TRABD2B: variants seen among roughly 807,000 people sequenced by gnomAD.
TRABD2B encodes the protein metalloprotease TIKI2.
In TRABD2B, 14 loss-of-function variants were observed where a neutral mutation model predicts 40.1. The observed-to-expected ratio is 0.35, with a 90% CI of 0.23 to 0.55. The LOEUF (loss-of-function observed/expected upper bound fraction) is 0.55. Ranked by LOEUF, TRABD2B falls within the 20% of genes least tolerant of loss-of-function variation. TRABD2B has a pLI of 0.90. For synonymous variants in TRABD2B, 263 were observed against 277.0 expected (o/e 0.95, Z 0.50); for missense variants, 541 against 648.6 (o/e 0.83, Z 1.80).
chr1:47,913,365 A>G (rs1258329345), intron 2 of TRABD2B, among the ~76,000 whole-genome samples: 1 of 152,140 alleles, frequency 6.6e-6, no homozygotes, highest in South Asian at 2.1e-4. Flanking sequence ...AGCTCTCTGC[A>G]AGCGGGATAC....
At chr1:47,881,172 T>G (rs1363861776) in intron 2 of TRABD2B, among the ~76,000 whole-genome samples, 1 of 152,168 alleles carries the variant, frequency 6.6e-6, no homozygotes, top group African/African-American at 2.4e-5. Flanking sequence ...CAACTTGGGT[T>G]GCAGTGGTGG....
In TRABD2B at chr1:47,996,780, C is replaced by A. The variant is rs1646099209; in HGVS notation, c.10G>T (p.Ala4Ser). 8.3e-7 allele frequency: 1 copy of A among 1,207,198 alleles called. No individual in the cohort carries two copies. The highest frequency in any genetic ancestry group is 3.4e-5 in the East Asian group (1 of 29,348). 74.8% of individuals were successfully genotyped at this position (1,207,198 alleles called of 1,614,324 possible). A position where few individuals can be genotyped will look rare whatever the true frequency, so the allele number is the denominator to read the frequency against. ...GCGGCGAGCAGCGGCCCCGCCAGGGCGGCGTGCATCCTGCCAGGGCCCGCG... is the reference window on the plus strand; with the variant it reads ...GCGGCGAGCAGCGGCCCCGCCAGGGAGGCGTGCATCCTGCCAGGGCCCGCG... Reference protein sequence around the residue: MHAALAGPLLAALL... With the variant: MHASLAGPLLAALL... The change falls in exon 1 of 7, where the codon GCC (alanine) becomes TCC (serine). Residue 4 changes from alanine (A) to serine (S), a missense_variant. Ala to Ser is a moderately conservative substitution (Grantham distance 99). Around this residue, in one of 2 missense-constraint regions of TRABD2B, gnomAD observed 369 missense variants for 492.8 expected, o/e 0.75. Transcript: ENST00000606738. This position sits in a 1 kb window ranked among gnomAD's most constrained non-coding sequence, Gnocchi z 4.6.
intron 2 of TRABD2B, among the ~76,000 whole-genome samples, chr1:47,802,141 CT>C (rs1557578930): frequency 6.6e-6 from 1 of 152,194 alleles, no homozygotes; most frequent in Non-Finnish European, 1.5e-5. Flanking sequence ...CTGCTCTATC[CT>C]TGTATTCAGC....
chr1:47,982,904 C>A (rs976106003), intron 2 of TRABD2B, among the ~76,000 whole-genome samples: 1 of 152,200 alleles, frequency 6.6e-6, no homozygotes, highest in Non-Finnish European at 1.5e-5. Flanking sequence ...CTGATGGAAG[C>A]AGAATATTAA....
intron 2 of TRABD2B, among the ~76,000 whole-genome samples, chr1:47,987,226 G>A (rs944624830): frequency 7.9e-5 from 12 of 152,086 alleles, no homozygotes; most frequent in African/African-American, 2.2e-4. Context: ...ATATGTTTGC[G>A]GATGAGGGTT....
At chr1:47,944,468 T>C (rs1365208552) in intron 2 of TRABD2B, among the ~76,000 whole-genome samples, 1 of 152,082 alleles carries the variant, frequency 6.6e-6, no homozygotes, top group Non-Finnish European at 1.5e-5. Context: ...CTGGGAGTAA[T>C]GCTTACGAAA....
rs1557644503 is a variant in TRABD2B at position 47,898,668 on chromosome 1, T to C, written c.666+95366A>G. Among the ~76,000 whole-genome samples the C allele has an allele frequency of 1.3e-5, 2 of 152,208 alleles. 1 individual carries two copies. Among genetic ancestry groups the C allele is most frequent in the South Asian group, 4.1e-4 (2 of 4,834 alleles). On this transcript the variant is annotated intron_variant, in intron 2 of 6. Coordinates refer to ENST00000606738, the MANE Select transcript of TRABD2B (RefSeq NM_001194986.2). The stretch of plus-strand genomic sequence containing the variant: ...CTTGACCTGAACTTATCCAAGGCTA[T>C]ATATAGCCTTGATCTCTCCCACGTT...
chr1:47,792,940 G>A (rs1644695275), intron 4 of TRABD2B, among the ~76,000 whole-genome samples: 1 of 152,116 alleles, frequency 6.6e-6, no homozygotes, highest in Admixed American at 6.5e-5. Context: ...CTGCCCTGAT[G>A]CCTATAGGAG....
chr1:47,900,735 G>A (rs1447600698), intron 2 of TRABD2B, among the ~76,000 whole-genome samples: 3 of 152,114 alleles, frequency 2.0e-5, no homozygotes, highest in African/African-American at 4.8e-5. Flanking sequence ...GGCCGGGGTC[G>A]GGGCTCTGTG....
intron 2 of TRABD2B, among the ~76,000 whole-genome samples, chr1:47,855,873 C>A (rs877295): frequency 6.6e-6 from 1 of 152,002 alleles, no homozygotes; most frequent in East Asian, 1.9e-4. Flanking sequence ...CACCCTGATA[C>A]GGAACTTGCC....
chr1:47,958,610 A>C (rs1482652344), intron 2 of TRABD2B, among the ~76,000 whole-genome samples: 1 of 151,392 alleles, frequency 6.6e-6, no homozygotes, highest in East Asian at 1.9e-4. Context: ...AAAAGAGACA[A>C]AGAAGGCCAT....
At chr1:47,795,584 G>T in intron 3 of TRABD2B, 1 of 939,244 alleles carries the variant, frequency 1.1e-6, no homozygotes, top group Non-Finnish European at 1.3e-6. Context: ...ACTTTTCCGA[G>T]TCCCAGCTTT....
intron 2 of TRABD2B, among the ~76,000 whole-genome samples, chr1:47,825,678 A>G (rs938771174): frequency 1.3e-5 from 2 of 152,216 alleles, no homozygotes; most frequent in South Asian, 4.1e-4. Flanking sequence ...ATCACTGTCT[A>G]TACTCTCAGA....
intron 6 of TRABD2B, among the ~76,000 whole-genome samples, chr1:47,769,231 T>G: frequency 6.6e-6 from 1 of 152,104 alleles, no homozygotes; most frequent in East Asian, 1.9e-4. Context: ...CATAAAAACG[T>G]CCTCCTAGCT....
At chr1:47,860,120 G>A (rs1643945628) in intron 2 of TRABD2B, among the ~76,000 whole-genome samples, 1 of 152,176 alleles carries the variant, frequency 6.6e-6, no homozygotes, top group Non-Finnish European at 1.5e-5. Flanking sequence ...TTGATGTCCT[G>A]AGGCTTTCAT....
chr1:47,925,215 T>A (rs1035157815), intron 2 of TRABD2B, among the ~76,000 whole-genome samples: 20 of 152,196 alleles, frequency 1.3e-4, no homozygotes, highest in Non-Finnish European at 2.4e-4. Flanking sequence ...CATCCTCTGG[T>A]GTCCTTACAC....
chr1:47,766,710 C>G (rs4927045), intron 6 of TRABD2B, among the ~76,000 whole-genome samples: 46,618 of 151,954 alleles, frequency 0.31, 7,877 homozygotes, highest in East Asian at 0.68. Flanking sequence ...TGGTGGCTGG[C>G]GGGGAGGCTA....
intron 2 of TRABD2B, among the ~76,000 whole-genome samples, chr1:47,972,740 T>G (rs1344416527): frequency 6.6e-6 from 1 of 152,192 alleles, no homozygotes; most frequent in African/African-American, 2.4e-5. Flanking sequence ...TTGACCCTCA[T>G]GGTAGTCAAA....
intron 2 of TRABD2B, among the ~76,000 whole-genome samples, chr1:47,984,491 G>T (rs1473998982): frequency 6.6e-6 from 1 of 152,244 alleles, no homozygotes; most frequent in Non-Finnish European, 1.5e-5. Context: ...GCACAGTCAT[G>T]CAAGCCTCCC....
Sources: gnomAD v4.1 joint callset for allele counts (sites outside exome capture counted in the v4.1 genomes callset) on GRCh38, gnomAD v4.1.1 for gene constraint, gnomAD v4.1.1 regional missense constraint, Gnocchi (gnomAD v3.1) non-coding constraint, MANE v1.5 for transcripts, NCBI Gene and HGNC (gene_info 2026-07-23, HGNC 2026-07-21) for gene names.